Variants in FAM107B observed in about 807,000 individuals in gnomAD.
FAM107B encodes family with sequence similarity 107 member B.
FAM107B carries 21 observed loss-of-function variants against 31.5 expected under a neutral mutation model. That is an observed-to-expected ratio of 0.67 (90% CI 0.47 to 0.96). The LOEUF is 0.96. FAM107B is among the 40% of genes least tolerant of loss of function. The probability of loss-of-function intolerance (pLI) is 0.00; values close to 1 mark genes in which losing one functional copy is unlikely to be tolerated. For missense variants in FAM107B, 452 were observed against 377.1 expected (o/e 1.20, Z -1.64); for synonymous variants, 157 against 141.5 (o/e 1.11, Z -0.78).
At chr10:14,629,977 A>G (rs1421536868) in intron 2 of FAM107B, among the ~76,000 whole-genome samples, 1 of 152,194 alleles carries the variant, frequency 6.6e-6, no homozygotes, top group African/African-American at 2.4e-5. Flanking sequence ...GAGATACATG[A>G]AAATGGATAT....
intron 1 of FAM107B, among the ~76,000 whole-genome samples, chr10:14,768,222 C>A (rs184613395): frequency 6.6e-6 from 1 of 152,240 alleles, no homozygotes; most frequent in East Asian, 1.9e-4. Context: ...CAATACTGCT[C>A]AAATATATCT....
At chr10:14,699,588 C>A (rs1855348193) in intron 1 of FAM107B, among the ~76,000 whole-genome samples, 1 of 152,226 alleles carries the variant, frequency 6.6e-6, no homozygotes, top group African/African-American at 2.4e-5. Context: ...GGTGCCTGCC[C>A]ACATCAGCAA....
chr10:14,619,244 G>GGTCA (rs1399878559), intron 2 of FAM107B, among the ~76,000 whole-genome samples: 1 of 152,108 alleles, frequency 6.6e-6, no homozygotes, highest in Non-Finnish European at 1.5e-5. Context: ...AAGGCAGTAC[G>GGTCA]GTCAGTCGGT....
At chr10:14,527,788 G>A (rs879298086) in intron 3 of FAM107B, 1 of 192,178 alleles carries the variant, frequency 5.2e-6, no homozygotes, top group Admixed American at 6.0e-5. Context: ...ACACAGTATT[G>A]ATGTGATGTA....
intron 2 of FAM107B, among the ~76,000 whole-genome samples, chr10:14,604,936 A>ATC (rs972053328): frequency 1.3e-5 from 2 of 150,170 alleles, no homozygotes; most frequent in African/African-American, 2.5e-5. Flanking sequence ...GCTCACCCCC[A>ATC]TCTCTCTCTC....
chr10:14,559,947 GTA>G (rs1266111753), intron 2 of FAM107B, among the ~76,000 whole-genome samples: 14 of 152,108 alleles, frequency 9.2e-5, no homozygotes, highest in African/African-American at 3.4e-4. Context: ...AATAATACTA[GTA>G]TAAACCTCAA....
At chr10:14,566,029 T>A (rs59784695) in intron 2 of FAM107B, among the ~76,000 whole-genome samples, 88 of 152,306 alleles carry the variant, frequency 5.8e-4, no homozygotes, top group African/African-American at 2.1e-3. Flanking sequence ...CCCCCATGCC[T>A]GAGGGGCCCT....
intron 2 of FAM107B, among the ~76,000 whole-genome samples, chr10:14,562,594 G>A (rs1487030215): frequency 3.3e-5 from 5 of 152,194 alleles, no homozygotes; most frequent in East Asian, 1.9e-4. Flanking sequence ...CAAATTTGGA[G>A]GCCTGTCCAC....
intron 1 of FAM107B, among the ~76,000 whole-genome samples, chr10:14,693,475 CA>C (rs71287335): frequency 1.2e-3 from 146 of 123,156 alleles, no homozygotes; most frequent in Non-Finnish European, 1.2e-3. Flanking sequence ...GACACCGTCT[CA>C]AAAAAAAAAA....
intron 2 of FAM107B, among the ~76,000 whole-genome samples, chr10:14,590,514 G>A (rs1247195043): frequency 3.9e-5 from 6 of 152,170 alleles, no homozygotes; most frequent in African/African-American, 1.2e-4. Context: ...ATCAAACTGC[G>A]GATGTAGTAT....
chr10:14,704,425 AC>A (rs1249145941), intron 1 of FAM107B, among the ~76,000 whole-genome samples: 1 of 152,168 alleles, frequency 6.6e-6, no homozygotes, highest in Non-Finnish European at 1.5e-5. Context: ...CCAACTGTTT[AC>A]CCCAAAAATA....
At position 14,542,143 on chromosome 10, in the gene FAM107B, G is replaced by A. The variant is rs140103600; in HGVS notation, c.470-11628C>T. On this transcript the variant is annotated intron_variant, in intron 2 of 4. Transcript: ENST00000181796. ...AAATGAGCCAGGCATCGTGGTGCAT[G>A]TGTGTAGTCCCAGCTACTTAGGAGG... 4.5e-3 allele frequency among the ~76,000 whole-genome samples: 691 copies of A among 152,068 alleles called. 5 individuals are homozygous for A. Among genetic ancestry groups the A allele is most frequent in the African/African-American group, 0.016 (656 of 41,480 alleles).
chr10:14,664,475 C>T (rs1349313453), intron 2 of FAM107B, among the ~76,000 whole-genome samples: 1 of 152,188 alleles, frequency 6.6e-6, no homozygotes, highest in Non-Finnish European at 1.5e-5. Context: ...GTATTTTTTA[C>T]TGTACCTCTT....
chr10:14,640,038 C>T (rs1853592333), intron 2 of FAM107B, among the ~76,000 whole-genome samples: 1 of 152,186 alleles, frequency 6.6e-6, no homozygotes, highest in Non-Finnish European at 1.5e-5. Context: ...TCAGAGATCC[C>T]ATCTGTATCT....
chr10:14,693,405 G>T (rs1258755104), intron 1 of FAM107B, among the ~76,000 whole-genome samples: 2 of 151,274 alleles, frequency 1.3e-5, no homozygotes, highest in Admixed American at 1.3e-4. Context: ...TTGAACCCAG[G>T]AGACGGAGGT....
chr10:14,606,804 C>T (rs2131385939), intron 2 of FAM107B, among the ~76,000 whole-genome samples: 1 of 152,198 alleles, frequency 6.6e-6, no homozygotes, highest in Admixed American at 6.5e-5. Context: ...AACTGCAAGC[C>T]AGAAAGAGAG....
rs1833372579 is a variant in FAM107B at position 14,774,358 on chromosome 10, C to T, written c.306G>A (p.Ala102=). The change falls in exon 1 of 5, where the codon GCG becomes GCA. Residue 102 remains alanine (A), a synonymous_variant. Transcript: ENST00000181796. ...ACCCGGGCACATCTTCAGGCGTCTCCGCGGGCTGGGCCGCAGTGCGGTGAC... is the reference window on the plus strand; with the variant it reads ...ACCCGGGCACATCTTCAGGCGTCTCTGCGGGCTGGGCCGCAGTGCGGTGAC... ...NSSHRTAAQP[A]ETPEDVPGSL... 4 of 1,614,080 alleles carry T rather than the reference C, an allele frequency of 2.5e-6. No homozygotes were observed. Among genetic ancestry groups the T allele is most frequent in the East Asian group, 2.2e-5 (1 of 44,896 alleles).
At chr10:14,644,477 T>A (rs150480931) in intron 2 of FAM107B, among the ~76,000 whole-genome samples, 14 of 152,366 alleles carry the variant, frequency 9.2e-5, no homozygotes, top group African/African-American at 2.4e-4. Flanking sequence ...TAAGACCCAT[T>A]ACACCATGTA....
chr10:14,671,666 G>A lies in FAM107B; in HGVS notation c.412-3975C>T, dbSNP rs148346094. On this transcript the variant is annotated intron_variant, in intron 1 of 4. Transcript: ENST00000181796. ...TTATTATCCACTGGCCCTGAAACCA[G>A]AGACAGGGGTTGCAGCTGCTACTGT... Among the ~76,000 whole-genome samples, 218 of 152,202 alleles carry A rather than the reference G, an allele frequency of 1.4e-3. 1 individual carries two copies. The highest frequency in any genetic ancestry group is 0.014 in the Middle Eastern group (4 of 294).
Sources: allele counts gnomAD v4.1 joint callset (sites outside exome capture counted in the v4.1 genomes callset), GRCh38; gene constraint gnomAD v4.1.1; transcripts MANE v1.5; gene names NCBI Gene and HGNC (gene_info 2026-07-23, HGNC 2026-07-21).